Variants in ANAPC1 observed in about 807,000 individuals in gnomAD.
ANAPC1 encodes the protein anaphase-promoting complex subunit 1.
Under a neutral mutation model 208.0 loss-of-function variants are expected in ANAPC1, and 36 were observed. That is an observed-to-expected ratio of 0.17 (90% CI 0.13 to 0.23). The LOEUF is 0.23. Among genes scored for constraint, ANAPC1 ranks in the 10% least tolerant of loss-of-function variants. The pLI is 1.00. For synonymous variants in ANAPC1, 378 were observed against 695.2 expected, an observed-to-expected ratio of 0.54 and a Z score of 7.18; for missense variants, 942 against 2,011.6, an observed-to-expected ratio of 0.47 and a Z score of 10.17.
At chr2:111,844,651 A>G (rs1407189876) in intron 16 of ANAPC1, among the ~76,000 whole-genome samples, 2 of 152,046 alleles carry the variant, frequency 1.3e-5, no homozygotes, top group African/African-American at 4.8e-5. Context: ...TACATACTTC[A>G]GTAAATATAT....
At chr2:111,832,592 A>G (rs1454286289) in intron 20 of ANAPC1, among the ~76,000 whole-genome samples, 2 of 152,134 alleles carry the variant, frequency 1.3e-5, no homozygotes, top group Non-Finnish European at 2.9e-5. Flanking sequence ...TTTAAGTAGC[A>G]TATGGTTAGT....
At chr2:111,770,053 G>A (rs1423167076) in intron 47 of ANAPC1, among the ~76,000 whole-genome samples, 360 of 147,066 alleles carry the variant, frequency 2.4e-3, no homozygotes, top group African/African-American at 8.4e-3. Flanking sequence ...TGAGCATCAT[G>A]TTGGTGCTCA....
chr2:111,859,682 A>C (rs1249339650), intron 10 of ANAPC1, among the ~76,000 whole-genome samples: 4 of 152,128 alleles, frequency 2.6e-5, no homozygotes, highest in African/African-American at 9.7e-5. Context: ...CCTATTCCCC[A>C]TTTCATTCTC....
At chr2:111,824,132 T>C (rs943364956) in intron 24 of ANAPC1, among the ~76,000 whole-genome samples, 3 of 150,772 alleles carry the variant, frequency 2.0e-5, no homozygotes, top group Admixed American at 6.7e-5. Flanking sequence ...ATAACACTTA[T>C]TAAATATTAT....
chr2:111,823,351 AG>A (rs1390911021), intron 24 of ANAPC1, among the ~76,000 whole-genome samples: 1 of 152,074 alleles, frequency 6.6e-6, no homozygotes, highest in Non-Finnish European at 1.5e-5. Flanking sequence ...AGCCAATGGT[AG>A]TGTAAACTGG....
At chr2:111,844,338 G>T (rs1010491164) in intron 16 of ANAPC1, among the ~76,000 whole-genome samples, 6 of 151,716 alleles carry the variant, frequency 4.0e-5, no homozygotes, top group Non-Finnish European at 8.8e-5. Context: ...CGAGGTCAAG[G>T]CGGGTGGATC....
chr2:111,846,646 T>G (rs1159344073), intron 16 of ANAPC1, among the ~76,000 whole-genome samples: 1 of 136,440 alleles, frequency 7.3e-6, no homozygotes, highest in East Asian at 2.5e-4. Context: ...CTCCACTCAC[T>G]GCAACCTCCG....
chr2:111,864,743 G>A, intron 8 of ANAPC1, 63 bp downstream of exon 8: 2 of 1,604,010 alleles, frequency 1.2e-6, no homozygotes, highest in Non-Finnish European at 1.7e-6. Context: ...GATTACAGGT[G>A]TGAGCCAGTG....
chr2:111,870,494 T>C (rs1007092607), intron 6 of ANAPC1, among the ~76,000 whole-genome samples: 3 of 152,256 alleles, frequency 2.0e-5, no homozygotes, highest in African/African-American at 4.8e-5. Flanking sequence ...TTCATGTTTG[T>C]TGGCCATTTG....
At chr2:111,858,724 T>A (rs1336129002) in intron 10 of ANAPC1, among the ~76,000 whole-genome samples, 1 of 145,440 alleles carries the variant, frequency 6.9e-6, no homozygotes, top group Admixed American at 7.1e-5. Context: ...ATCACGCCAC[T>A]GCACTCCAGC....
intron 2 of ANAPC1, 195 bp downstream of exon 2, chr2:111,880,418 T>A: frequency 9.5e-7 from 1 of 1,048,116 alleles, no homozygotes; most frequent in Non-Finnish European, 1.3e-6. Context: ...CCACAAGTTA[T>A]AGAGGGTATC....
At chr2:111,842,935 G>T (rs1265775389) in intron 17 of ANAPC1, among the ~76,000 whole-genome samples, 1 of 152,156 alleles carries the variant, frequency 6.6e-6, no homozygotes, top group Non-Finnish European at 1.5e-5. Flanking sequence ...TCAGGCTAAA[G>T]TACTTTAAAT....
At chr2:111,864,765 C>A in intron 8 of ANAPC1, 41 bp downstream of exon 8, 1 of 1,608,814 alleles carries the variant, frequency 6.2e-7, no homozygotes, top group Non-Finnish European at 8.5e-7. Flanking sequence ...ACCCAGCCTA[C>A]CCTTTCCTAT....
At chr2:111,796,259 T>C (rs1347139600) in intron 34 of ANAPC1, among the ~76,000 whole-genome samples, 1 of 149,586 alleles carries the variant, frequency 6.7e-6, no homozygotes, top group Non-Finnish European at 1.5e-5. Context: ...AATAAATAAA[T>C]ATTAGAAGGC....
chr2:111,773,672 A>G (rs1332579100), intron 46 of ANAPC1, among the ~76,000 whole-genome samples: 1 of 151,678 alleles, frequency 6.6e-6, no homozygotes, highest in Middle Eastern at 3.2e-3. Context: ...GCATGGATAA[A>G]TATGAGTTGG....
intron 46 of ANAPC1, among the ~76,000 whole-genome samples, chr2:111,776,094 G>GT (rs1676994780): frequency 6.7e-6 from 1 of 148,562 alleles, no homozygotes; most frequent in Admixed American, 6.7e-5. Flanking sequence ...ATTACTAATA[G>GT]TTTTCACTAA....
At chr2:111,854,864 C>T (rs1051367971) in intron 13 of ANAPC1, among the ~76,000 whole-genome samples, 3 of 152,144 alleles carry the variant, frequency 2.0e-5, no homozygotes, top group African/African-American at 7.2e-5. Flanking sequence ...AAGGCTGTTT[C>T]GCTTTATCAG....
Position 111,880,649 on chromosome 2 carries a change from T to C in ANAPC1, c.177A>G (p.Gly59=), listed in dbSNP as rs766338994. 4 of 1,612,770 alleles carry C rather than the reference T, an allele frequency of 2.5e-6. No homozygotes were observed. Among genetic ancestry groups the C allele is most frequent in the South Asian group, 1.1e-5 (1 of 91,022 alleles). ...CGTGGATTGTAACCTCCTGAAGGGATCCCACCAAGCCAGCAGCACCATCAG... is the reference window on the plus strand; with the variant it reads ...CGTGGATTGTAACCTCCTGAAGGGACCCCACCAAGCCAGCAGCACCATCAG... ...WSSDGAAGLV[G]SLQEVTIHEK... is the part of the protein sequence containing the mutation. Residue 59 remains glycine (G), a synonymous_variant, in exon 2 of 48, where the codon GGA becomes GGG. Coordinates refer to ENST00000341068, the MANE Select transcript of ANAPC1 (RefSeq NM_022662.4).
At chr2:111,798,624 C>A (rs1678278882) in intron 34 of ANAPC1, among the ~76,000 whole-genome samples, 1 of 151,786 alleles carries the variant, frequency 6.6e-6, no homozygotes, top group African/African-American at 2.4e-5. Context: ...TAGAGAATAA[C>A]CATAAGAAAA....
Sources: gnomAD v4.1 joint callset for allele counts (sites outside exome capture counted in the v4.1 genomes callset) on GRCh38, gnomAD v4.1.1 for gene constraint, MANE v1.5 for transcripts, NCBI Gene and HGNC (gene_info 2026-07-23, HGNC 2026-07-21) for gene names.